The following GNB4 variants were observed in gnomAD, a reference collection of about 807,000 sequenced individuals.
The protein encoded by GNB4 is guanine nucleotide-binding protein subunit beta-4.
GNB4 carries 28 observed loss-of-function variants against 45.2 expected under a neutral mutation model. The observed-to-expected ratio is 0.62, with a 90% CI of 0.46 to 0.85. The LOEUF (loss-of-function observed/expected upper bound fraction) is 0.85. Among genes scored for constraint, GNB4 ranks in the 40% least tolerant of loss-of-function variants. The pLI is 0.00. For synonymous variants in GNB4, 132 were observed against 143.7 expected (o/e 0.92, Z 0.58); for missense variants, 321 against 425.4 (o/e 0.75, Z 2.16).
At chr3:179,422,339 A>T (rs907682260) in intron 2 of GNB4, among the ~76,000 whole-genome samples, 7 of 152,108 alleles carry the variant, frequency 4.6e-5, no homozygotes, top group Non-Finnish European at 1.0e-4. Flanking sequence ...ATAAAACAGA[A>T]TATAAGGCCA....
the GNB4 span, among the ~76,000 whole-genome samples, chr3:179,496,626 T>C: frequency 1.3e-5 from 2 of 152,038 alleles, no homozygotes; most frequent in African/African-American, 2.4e-5. Flanking sequence ...ACACATAGGC[T>C]GAAAATAAAA....
chr3:179,453,333 G>T (rs1031796094), upstream of GNB4, among the ~76,000 whole-genome samples: 1 of 152,126 alleles, frequency 6.6e-6, no homozygotes, highest in African/African-American at 2.4e-5. Flanking sequence ...TGTTGACCAG[G>T]CTGGTCTCAA....
the GNB4 span, among the ~76,000 whole-genome samples, chr3:179,514,140 G>A: frequency 2.0e-5 from 3 of 152,178 alleles, no homozygotes; most frequent in Non-Finnish European, 4.4e-5. Flanking sequence ...TGTGCTGAAA[G>A]GAGCACACTG....
At chr3:179,513,298 C>G in the GNB4 span, among the ~76,000 whole-genome samples, 1 of 151,454 alleles carries the variant, frequency 6.6e-6, no homozygotes, top group East Asian at 1.9e-4. Context: ...AGCCTCCCAC[C>G]TCAGCCTCCC....
In GNB4 at chr3:179,400,015, T is replaced by C. The variant is rs1348417338; in HGVS notation, c.*1198A>G. The C allele has an allele frequency of 2.0e-5, 3 of 152,256 alleles. No individual in the cohort carries two copies. Among genetic ancestry groups the C allele is most frequent in the Non-Finnish European group, 2.9e-5 (2 of 68,046 alleles). 9.4% of individuals were successfully genotyped at this position (152,256 alleles called of 1,614,324 possible). A position where few individuals can be genotyped will look rare whatever the true frequency, so the allele number is the denominator to read the frequency against. The stretch of plus-strand genomic sequence containing the variant: ...AGAACTGCTTTAGGAATTTTTATTT[T>C]GGCTTTAAGTGGAATCACTTACATC... On this transcript the variant is annotated 3_prime_UTR_variant, in exon 10 of 10. Coordinates refer to ENST00000232564, the MANE Select transcript of GNB4 (RefSeq NM_021629.4).
At chr3:179,494,691 C>T in the GNB4 span, among the ~76,000 whole-genome samples, 11 of 151,828 alleles carry the variant, frequency 7.2e-5, no homozygotes, top group South Asian at 2.1e-4. Flanking sequence ...GGGCAGATCA[C>T]GAGGTCAGGA....
the GNB4 span, among the ~76,000 whole-genome samples, chr3:179,480,707 AC>A: frequency 6.6e-6 from 1 of 152,186 alleles, no homozygotes; most frequent in East Asian, 1.9e-4. Flanking sequence ...ATTCATTGTT[AC>A]AAAACTCCCA....
the GNB4 span, among the ~76,000 whole-genome samples, chr3:179,477,451 C>A: frequency 6.6e-6 from 1 of 152,192 alleles, no homozygotes; most frequent in East Asian, 1.9e-4. Flanking sequence ...CCACCAATTT[C>A]TTTGCAACTG....
chr3:179,489,508 G>A, the GNB4 span, among the ~76,000 whole-genome samples: 9 of 152,112 alleles, frequency 5.9e-5, no homozygotes, highest in Non-Finnish European at 1.2e-4. Flanking sequence ...GGGCATGGTT[G>A]TACATGTCTA....
chr3:179,520,926 A>G, the GNB4 span, among the ~76,000 whole-genome samples: 1 of 152,088 alleles, frequency 6.6e-6, no homozygotes, highest in South Asian at 2.1e-4. Context: ...CGCCTCTTAG[A>G]ACCTCTCATT....
chr3:179,513,615 G>A, the GNB4 span, among the ~76,000 whole-genome samples: 2 of 151,854 alleles, frequency 1.3e-5, no homozygotes, highest in Non-Finnish European at 2.9e-5. Flanking sequence ...ACTTCCATAG[G>A]TACCTGCAAA....
At chr3:179,406,989 G>A (rs1714492508) in intron 8 of GNB4, among the ~76,000 whole-genome samples, 1 of 152,054 alleles carries the variant, frequency 6.6e-6, no homozygotes, top group African/African-American at 2.4e-5. Context: ...CTTCAACTAA[G>A]ATATTTTTTA....
the GNB4 span, among the ~76,000 whole-genome samples, chr3:179,475,179 A>G: frequency 6.6e-6 from 1 of 151,922 alleles, no homozygotes; most frequent in East Asian, 1.9e-4. Context: ...GTGCAGTGGC[A>G]CAATCTCAGC....
the GNB4 span, among the ~76,000 whole-genome samples, chr3:179,509,423 G>A: frequency 6.6e-6 from 1 of 152,080 alleles, no homozygotes; most frequent in East Asian, 1.9e-4. Flanking sequence ...GGCAGATCTT[G>A]GGAAGCCAAA....
the GNB4 span, among the ~76,000 whole-genome samples, chr3:179,497,019 T>C: frequency 6.6e-6 from 1 of 152,138 alleles, no homozygotes; most frequent in African/African-American, 2.4e-5. Context: ...TTTCTTTCTT[T>C]CTGTGAAATT....
chr3:179,426,259 A>G lies in GNB4; in HGVS notation c.-42-17T>C, dbSNP rs1715145391. The G allele has an allele frequency of 5.5e-6, 7 of 1,270,050 alleles. No homozygotes were observed. The Admixed American group carries it at 1.2e-4, about 21-fold the overall frequency. 78.7% of individuals were successfully genotyped at this position (1,270,050 alleles called of 1,614,324 possible). ...TGAAAACAGCTGTTAAAAAACAGAGAGCAAGAGAAAGATTCAGTTCTCTAC... is the reference window on the plus strand; with the variant it reads ...TGAAAACAGCTGTTAAAAAACAGAGGGCAAGAGAAAGATTCAGTTCTCTAC... On this transcript the variant is annotated splice_polypyrimidine_tract_variant and intron_variant, in intron 1 of 9. Coordinates refer to ENST00000232564, the MANE Select transcript of GNB4 (RefSeq NM_021629.4).
chr3:179,468,866 C>T, the GNB4 span, among the ~76,000 whole-genome samples: 1 of 152,146 alleles, frequency 6.6e-6, no homozygotes, highest in Non-Finnish European at 1.5e-5. Flanking sequence ...TTATTAATAA[C>T]TAAGAGTCTG....
At chr3:179,516,534 A>C in the GNB4 span, among the ~76,000 whole-genome samples, 1 of 152,212 alleles carries the variant, frequency 6.6e-6, no homozygotes, top group Non-Finnish European at 1.5e-5. Context: ...GGGCCTGAAC[A>C]ATCCCTGAGC....
At chr3:179,421,870 T>C (rs1266375828) in intron 2 of GNB4, among the ~76,000 whole-genome samples, 1 of 152,246 alleles carries the variant, frequency 6.6e-6, no homozygotes, top group Non-Finnish European at 1.5e-5. Context: ...TGGTAAGGAA[T>C]AATGTAGCCC....
Sources: gnomAD v4.1 joint callset for allele counts (sites outside exome capture counted in the v4.1 genomes callset) on GRCh38, gnomAD v4.1.1 for gene constraint, MANE v1.5 for transcripts, NCBI Gene and HGNC (gene_info 2026-07-23, HGNC 2026-07-21) for gene names.